The following KIAA1217 variants were observed in gnomAD, a reference collection of about 807,000 sequenced individuals.
The protein encoded by KIAA1217 is KIAA1217.
KIAA1217 carries 88 observed loss-of-function variants against 163.9 expected under a neutral mutation model. The observed-to-expected ratio is 0.54, with a 90% CI of 0.45 to 0.64. The LOEUF (loss-of-function observed/expected upper bound fraction) is 0.64, where lower values mean the gene tolerates loss of function less well. Among genes scored for constraint, KIAA1217 ranks in the 30% least tolerant of loss-of-function variants. The probability of loss-of-function intolerance (pLI) is 0.00; values close to 1 mark genes in which losing one functional copy is unlikely to be tolerated. For missense variants in KIAA1217, 2,372 were observed against 2,475.0 expected (o/e 0.96, Z 0.88); for synonymous variants, 903 against 923.1 (o/e 0.98, Z 0.39).
chr10:23,791,597 A>G (rs539789251), intron 1 of KIAA1217, among the ~76,000 whole-genome samples: 5 of 152,330 alleles, frequency 3.3e-5, no homozygotes, highest in African/African-American at 1.2e-4. Flanking sequence ...GCATTGCTTT[A>G]TAGTTTAAGT....
At chr10:24,249,145 C>T (rs2074193582) in intron 2 of KIAA1217, among the ~76,000 whole-genome samples, 1 of 152,216 alleles carries the variant, frequency 6.6e-6, no homozygotes, top group Non-Finnish European at 1.5e-5. Context: ...TCAAAAGCTA[C>T]TTTTGAAACC....
In KIAA1217 at chr10:23,874,619, C is replaced by G. The variant is rs186955360; in HGVS notation, c.-320-132606C>G. The stretch of plus-strand genomic sequence containing the variant: ...ACAATGCTATAATCATATATATAAT[C>G]ATTTGGAGTTCTTTTTTAAACCACC... On this transcript the variant is annotated intron_variant, in intron 1 of 18. Coordinates refer to the KIAA1217 transcript ENST00000376462. Among the ~76,000 whole-genome samples, 3 of 152,108 alleles carry G rather than the reference C, an allele frequency of 2.0e-5. No individual in the cohort carries two copies. The East Asian group carries it at 5.8e-4, about 30-fold the overall frequency.
chr10:24,317,838 T>A (rs544678334), intron 2 of KIAA1217, among the ~76,000 whole-genome samples: 2 of 152,224 alleles, frequency 1.3e-5, no homozygotes, highest in South Asian at 4.1e-4. Flanking sequence ...AACAATTTAG[T>A]GGCCAATTGA....
At chr10:23,906,254 GCACA>G (rs150497888) in intron 1 of KIAA1217, among the ~76,000 whole-genome samples, 7 of 148,834 alleles carry the variant, frequency 4.7e-5, no homozygotes, top group South Asian at 2.1e-4. Context: ...ACCATAGGAA[GCACA>G]CACACACACA....
At chr10:24,297,203 C>T (rs2040726599) in intron 2 of KIAA1217, among the ~76,000 whole-genome samples, 1 of 152,182 alleles carries the variant, frequency 6.6e-6, no homozygotes, top group African/African-American at 2.4e-5. Context: ...TTTTGTTTGT[C>T]ACAATAATTG....
chr10:24,293,423 C>T (rs1406300547), intron 2 of KIAA1217, among the ~76,000 whole-genome samples: 1 of 152,176 alleles, frequency 6.6e-6, no homozygotes, highest in East Asian at 1.9e-4. Context: ...ACCTTGCTGC[C>T]TCTGCAGGCA....
chr10:24,056,247 G>C (rs952982247), intron 2 of KIAA1217, among the ~76,000 whole-genome samples: 1 of 152,128 alleles, frequency 6.6e-6, no homozygotes, highest in East Asian at 1.9e-4. Context: ...AGGATCGCTT[G>C]AGCCTGGGAG....
chr10:24,390,620 G>T (rs922019546), intron 3 of KIAA1217, among the ~76,000 whole-genome samples: 1 of 152,080 alleles, frequency 6.6e-6, no homozygotes, highest in Non-Finnish European at 1.5e-5. Context: ...TACTCAGCAG[G>T]AGTCTTTAAA....
chr10:24,155,691 G>A (rs563019451), intron 2 of KIAA1217, among the ~76,000 whole-genome samples: 11 of 151,978 alleles, frequency 7.2e-5, no homozygotes, highest in Admixed American at 1.3e-4. Context: ...GCTCAGTGGC[G>A]GGCACCTGTA....
chr10:23,970,481 G>A (rs1041144583), intron 1 of KIAA1217, among the ~76,000 whole-genome samples: 1 of 152,266 alleles, frequency 6.6e-6, no homozygotes, highest in Non-Finnish European at 1.5e-5. Flanking sequence ...CAGGAGCTGG[G>A]CGAGGTGTTG....
intron 5 of KIAA1217, among the ~76,000 whole-genome samples, chr10:24,457,345 TGTG>T (rs972751266): frequency 4.8e-5 from 7 of 145,660 alleles, no homozygotes; most frequent in African/African-American, 1.6e-4. Context: ...TTTTTTGTTT[TGTG>T]TGTGTGTGTG....
rs202196072 is a variant in KIAA1217, at chr10:24,538,737, T to TTTTG, written c.3534+1847_3534+1848insGTTT. 4.4e-4 allele frequency among the ~76,000 whole-genome samples: 59 copies of TTTTG among 134,310 alleles called. 3 individuals carry two copies. The South Asian group carries it at 0.013, about 29-fold the overall frequency. The allele number at this position is 134,310 out of a possible 152,430, so 88.1% of individuals were successfully genotyped here. A position where few individuals can be genotyped will look rare whatever the true frequency, so the allele number is the denominator to read the frequency against. ...ATTGATTTTTATTGTTTTTGGTTTT[T>TTTTG]TTTTTTTTTTTTTGTGAGACCGAGT... On this transcript the variant is annotated intron_variant, in intron 17 of 20. Coordinates refer to ENST00000376454, the MANE Select transcript of KIAA1217 (RefSeq NM_019590.5).
chr10:24,049,787 T>C (rs544764095), intron 2 of KIAA1217, among the ~76,000 whole-genome samples: 1 of 152,326 alleles, frequency 6.6e-6, no homozygotes, highest in Non-Finnish European at 1.5e-5. Flanking sequence ...TGTGTCTTTA[T>C]AGTAGAATGA....
chr10:24,147,147 C>T (rs2064359631), intron 2 of KIAA1217, among the ~76,000 whole-genome samples: 1 of 151,766 alleles, frequency 6.6e-6, no homozygotes. Flanking sequence ...GTAATAGCTT[C>T]TGCTGGTTGA....
At chr10:23,823,195 G>C (rs1837707092) in intron 1 of KIAA1217, among the ~76,000 whole-genome samples, 2 of 152,184 alleles carry the variant, frequency 1.3e-5, no homozygotes, top group African/African-American at 4.8e-5. Flanking sequence ...GAGGCTTTGG[G>C]GGAGATCCAC....
chr10:24,122,400 A>G (rs2063316913), intron 2 of KIAA1217, among the ~76,000 whole-genome samples: 2 of 152,082 alleles, frequency 1.3e-5, no homozygotes, highest in Non-Finnish European at 2.9e-5. Context: ...TCCACCATTA[A>G]TGGGCATCTA....
chr10:24,473,943 T>C lies in KIAA1217; in HGVS notation c.1562T>C (p.Ile521Thr), dbSNP rs142049110. Reference sequence around the variant, plus strand: ...AAGGAGCCAGGCACCTTGGTGTATATAGAAAAGCCACGGAGCGCTGCAGGA... The same window carrying C: ...AAGGAGCCAGGCACCTTGGTGTATACAGAAAAGCCACGGAGCGCTGCAGGA... ...FKKEPGTLVY[I>T]EKPRSAAGLS... The change falls in exon 6 of 21, where the codon ATA becomes ACA. Residue 521 changes from isoleucine to threonine, a missense_variant. Coordinates refer to ENST00000376454, the MANE Select transcript of KIAA1217 (RefSeq NM_019590.5). 1 of 1,613,972 alleles carries C rather than the reference T, an allele frequency of 6.2e-7. No homozygotes were observed. Among genetic ancestry groups the C allele is most frequent in the African/African-American group, 1.3e-5 (1 of 74,894 alleles).
intron 2 of KIAA1217, among the ~76,000 whole-genome samples, chr10:24,023,040 TC>T (rs1847801822): frequency 6.6e-6 from 1 of 151,662 alleles, no homozygotes; most frequent in Non-Finnish European, 1.5e-5. Context: ...TATCACCATT[TC>T]CTTTCAGCAT....
intron 2 of KIAA1217, among the ~76,000 whole-genome samples, chr10:24,068,293 C>T (rs773873717): frequency 2.0e-5 from 3 of 152,166 alleles, no homozygotes; most frequent in Admixed American, 6.5e-5. Flanking sequence ...TCCACACCCT[C>T]AGTTATTGTA....
Sources: gnomAD v4.1 joint callset for allele counts (sites outside exome capture counted in the v4.1 genomes callset) on GRCh38, gnomAD v4.1.1 for gene constraint, MANE v1.5 for transcripts, NCBI Gene and HGNC (gene_info 2026-07-23, HGNC 2026-07-21) for gene names.